BCLAF3: variants seen among roughly 807,000 people sequenced by gnomAD.
BCLAF3 encodes transient octamer binding factor 1.
Under a neutral mutation model 51.2 loss-of-function variants are expected in BCLAF3, and 24 were observed. The observed-to-expected ratio is 0.47, with a 90% CI of 0.34 to 0.66. The LOEUF is 0.66. Among genes scored for constraint, BCLAF3 ranks in the 30% least tolerant of loss-of-function variants. The probability of loss-of-function intolerance (pLI) is 0.01; values close to 1 mark genes in which losing one functional copy is unlikely to be tolerated. For missense variants in BCLAF3, 465 were observed against 525.1 expected (o/e 0.89, Z 1.12); for synonymous variants, 152 against 176.6 (o/e 0.86, Z 1.10).
chrX:19,956,096 C>T (rs2071652333), intron 4 of BCLAF3, among the ~76,000 whole-genome samples: 1 of 111,785 alleles, frequency 8.9e-6, no homozygotes, highest in Non-Finnish European at 1.9e-5. Context: ...ATTACAAAGT[C>T]TCACTAAATT....
intron 11 of BCLAF3, among the ~76,000 whole-genome samples, chrX:19,927,673 GTTCT>G (rs1439342354): frequency 2.8e-5 from 3 of 107,909 alleles, no homozygotes; most frequent in Non-Finnish European, 5.8e-5. Context: ...TTCTCTTCCT[GTTCT>G]TTTTTTTTTT....
At chrX:19,981,488 A>C (rs1458361538) in intron 1 of BCLAF3, among the ~76,000 whole-genome samples, 1 of 112,203 alleles carries the variant, frequency 8.9e-6, no homozygotes, top group Non-Finnish European at 1.9e-5. Flanking sequence ...CCTGGTAGAA[A>C]TGTAAAATAG....
intron 1 of BCLAF3, among the ~76,000 whole-genome samples, chrX:19,987,752 A>G (rs1408104443): frequency 8.9e-6 from 1 of 112,519 alleles, no homozygotes; most frequent in Non-Finnish European, 1.9e-5. Context: ...GTGGGTAAGA[A>G]TGATGACATG....
rs2069936458 is a variant in BCLAF3 at position 19,916,335 on chromosome X, T to C, written c.*970A>G. 8.9e-6 allele frequency: 1 copy of C among 112,838 alleles called. No individual in the cohort carries two copies. Among genetic ancestry groups the C allele is most frequent in the Non-Finnish European group, 1.9e-5 (1 of 53,266 alleles). The allele number at this position is 112,838 out of a possible 1,213,427, so 9.3% of individuals were successfully genotyped here. A position where few individuals can be genotyped will look rare whatever the true frequency, so the allele number is the denominator to read the frequency against. ...AATGTAATTGGGAATGTATATGTACTGTTAAGCAGAACACAGAAAACATAA... is the reference window on the plus strand; with the variant it reads ...AATGTAATTGGGAATGTATATGTACCGTTAAGCAGAACACAGAAAACATAA... On this transcript the variant is annotated 3_prime_UTR_variant, in exon 12 of 12. Coordinates refer to ENST00000379682, the MANE Select transcript of BCLAF3 (RefSeq NM_001367774.2).
At chrX:19,967,305 G>T (rs1468802235) in intron 2 of BCLAF3, among the ~76,000 whole-genome samples, 2 of 111,877 alleles carry the variant, frequency 1.8e-5, no homozygotes, top group Admixed American at 9.5e-5. Context: ...CTCATGCTTA[G>T]TTCCTCCAGA....
At chrX:19,984,219 T>C (rs2072722908) in intron 1 of BCLAF3, among the ~76,000 whole-genome samples, 1 of 110,028 alleles carries the variant, frequency 9.1e-6, no homozygotes, top group South Asian at 3.8e-4. Flanking sequence ...ATATAACATA[T>C]AAATATATGT....
At chrX:19,926,727 T>C (rs1183377287) in intron 11 of BCLAF3, among the ~76,000 whole-genome samples, 1 of 110,811 alleles carries the variant, frequency 9.0e-6, no homozygotes, top group Non-Finnish European at 1.9e-5. Context: ...CCTCAGCCAT[T>C]TTCCTTGAGT....
intron 8 of BCLAF3, among the ~76,000 whole-genome samples, chrX:19,948,463 T>G (rs958842078): frequency 2.7e-5 from 3 of 111,783 alleles, no homozygotes; most frequent in Non-Finnish European, 5.6e-5. Flanking sequence ...TATTATATTA[T>G]TGAATTTATA....
intron 1 of BCLAF3, among the ~76,000 whole-genome samples, chrX:19,974,756 GCT>G (rs1393295465): frequency 1.8e-5 from 2 of 109,854 alleles, no homozygotes; most frequent in African/African-American, 3.3e-5. Flanking sequence ...GTGGCGCGTG[GCT>G]GTAGTCCCAG....
chrX:19,962,655 T>C (rs1301785029), intron 4 of BCLAF3, among the ~76,000 whole-genome samples: 2 of 112,295 alleles, frequency 1.8e-5, no homozygotes, highest in East Asian at 5.5e-4. Flanking sequence ...GGTGGAACAA[T>C]AGATGAATAG....
chrX:19,937,534 TA>T lies in BCLAF3; in HGVS notation c.1746-3del. 1.0e-6 allele frequency: 1 copy of T among 957,848 alleles called. No individual in the cohort carries two copies. The highest frequency in any genetic ancestry group is 1.4e-6 in the Non-Finnish European group (1 of 689,680). The allele number at this position is 957,848 out of a possible 1,213,427, so 78.9% of individuals were successfully genotyped here. The stretch of plus-strand genomic sequence containing the variant: ...GAAAAACTGGAATTCTGATCATCCC[TA>T]ATAAGGAAACAGAGAAAATAAGAAT... On this transcript the variant is annotated splice_region_variant and splice_polypyrimidine_tract_variant and intron_variant, in intron 8 of 11. Transcript: ENST00000379682.
At chrX:19,963,071 C>T (rs2071914970) in intron 4 of BCLAF3, among the ~76,000 whole-genome samples, 1 of 107,470 alleles carries the variant, frequency 9.3e-6, no homozygotes, top group Admixed American at 1.0e-4. Context: ...GGTGACAGAG[C>T]GTGACCCTGT....
intron 1 of BCLAF3, among the ~76,000 whole-genome samples, chrX:19,985,508 C>T (rs2072769227): frequency 1.8e-5 from 2 of 110,954 alleles, no homozygotes; most frequent in Non-Finnish European, 3.8e-5. Flanking sequence ...ATTGCTAAAG[C>T]CCAGGAATTC....
intron 8 of BCLAF3, among the ~76,000 whole-genome samples, chrX:19,946,234 C>T (rs951102769): frequency 8.9e-6 from 1 of 112,385 alleles, no homozygotes; most frequent in Non-Finnish European, 1.9e-5. Context: ...CACCCGTCTT[C>T]TGCGTCGCTC....
At chrX:19,949,517 G>GACTC (rs1345447097) in intron 8 of BCLAF3, among the ~76,000 whole-genome samples, 3 of 112,237 alleles carry the variant, frequency 2.7e-5, no homozygotes, top group Non-Finnish European at 5.6e-5. Context: ...AGAAAAGCAT[G>GACTC]ATAGAGAGCT....
intron 11 of BCLAF3, among the ~76,000 whole-genome samples, chrX:19,927,910 C>G (rs2070410641): frequency 9.3e-6 from 1 of 107,421 alleles, no homozygotes; most frequent in African/African-American, 3.4e-5. Flanking sequence ...AGGTCTCACT[C>G]TGTCACCCAG....
chrX:19,933,681 C>T (rs1043802043), intron 10 of BCLAF3, among the ~76,000 whole-genome samples: 1 of 112,390 alleles, frequency 8.9e-6, no homozygotes, highest in South Asian at 3.7e-4. Flanking sequence ...CTGATGTGTT[C>T]CATTTCTACA....
Position 19,965,093 on chromosome X carries a change from T to A in BCLAF3, c.1225A>T (p.Lys409Ter). 8.4e-7 allele frequency: 1 copy of A among 1,189,487 alleles called. No individual in the cohort carries two copies. The highest frequency in any genetic ancestry group is 1.1e-6 in the Non-Finnish European group (1 of 888,505). The change falls in exon 4 of 12, where the codon AAA (lysine) becomes TAA (stop). Residue 409 changes from lysine (K) to a stop codon, truncating the protein, a stop_gained. Transcript: ENST00000379682. LOFTEE classifies it high-confidence loss of function. ...ACATCTACTTTAACTGTAAGTGATTTCTTCCTAAGATTGATAGGCGAGGGT... is the reference window on the plus strand; with the variant it reads ...ACATCTACTTTAACTGTAAGTGATTACTTCCTAAGATTGATAGGCGAGGGT... Reference protein sequence around the residue: ...VKPSPINLRKKSLTVKVDVKK... With the variant: ...VKPSPINLRK
intron 4 of BCLAF3, 131 bp downstream of exon 4, chrX:19,964,913 G>T (rs1397601947): frequency 5.9e-6 from 3 of 511,113 alleles, no homozygotes; most frequent in South Asian, 5.4e-5. Context: ...CTTTTTTTTT[G>T]GGGGGGAAAA....
Sources: allele counts gnomAD v4.1 joint callset (sites outside exome capture counted in the v4.1 genomes callset), GRCh38; gene constraint gnomAD v4.1.1; transcripts MANE v1.5; gene names NCBI Gene and HGNC (gene_info 2026-07-23, HGNC 2026-07-21).